SOX5: variants seen among roughly 807,000 people sequenced by gnomAD.
The protein encoded by SOX5 is transcription factor SOX-5.
Under a neutral mutation model 92.0 loss-of-function variants are expected in SOX5, and 9 were observed. The ratio of observed to expected loss-of-function variants is 0.10; its 90% confidence interval spans 0.06 to 0.17. SOX5 has a LOEUF of 0.17. Among genes scored for constraint, SOX5 ranks in the 10% least tolerant of loss-of-function variants. The pLI, the probability that SOX5 is intolerant of heterozygous loss-of-function variation, is 1.00. For synonymous variants in SOX5, 344 were observed against 336.3 expected (o/e 1.02, Z -0.25); for missense variants, 642 against 944.5 (o/e 0.68, Z 4.20).
At chr12:24,250,779 G>A (rs1939880434) in intron 3 of SOX5, among the ~76,000 whole-genome samples, 1 of 152,158 alleles carries the variant, frequency 6.6e-6, no homozygotes, top group Non-Finnish European at 1.5e-5. Context: ...CAGTTCAGAA[G>A]ACAGATGCCA....
chr12:24,375,445 G>C (rs571257613), intron 1 of SOX5, among the ~76,000 whole-genome samples: 1 of 151,860 alleles, frequency 6.6e-6, no homozygotes, highest in Non-Finnish European at 1.5e-5. Context: ...GGTCAGAAGC[G>C]AGAATAAGGC....
chr12:23,585,517 A>G (rs1950600955), intron 9 of SOX5, among the ~76,000 whole-genome samples: 1 of 152,180 alleles, frequency 6.6e-6, no homozygotes, highest in African/African-American at 2.4e-5. Context: ...AAAAAGTCCA[A>G]AAATAAGTAA....
At chr12:24,118,429 C>T (rs560035213) in intron 4 of SOX5, among the ~76,000 whole-genome samples, 274 of 152,066 alleles carry the variant, frequency 1.8e-3, no homozygotes, top group African/African-American at 6.3e-3. Context: ...AATAGAAATG[C>T]AAAATTCTTA....
intron 3 of SOX5, among the ~76,000 whole-genome samples, chr12:24,259,833 C>T (rs1403055249): frequency 6.6e-6 from 1 of 152,006 alleles, no homozygotes; most frequent in Admixed American, 6.6e-5. Flanking sequence ...TAGTGTTCAT[C>T]GTGTATATCT....
Position 23,895,823 on chromosome 12 carries a change from A to G in SOX5, c.240T>C (p.His80=), listed in dbSNP as rs1326839158. The G allele has an allele frequency of 2.5e-6, 4 of 1,613,772 alleles. No individual in the cohort carries two copies. The highest frequency in any genetic ancestry group is 1.3e-5 in the African/African-American group (1 of 74,912). Residue 80 remains histidine (H), a synonymous_variant, in exon 2 of 15, where the codon CAT becomes CAC. Transcript: ENST00000451604. ...VSLLTQETCG[H]RTPTSQHNTM... is the part of the protein sequence containing the mutation. ...TATTGTGCTGAGAAGTGGGAGTCCT[A>G]TGGCCACAAGTCTCTTGCGTCAGCA...
At chr12:24,449,270 T>A (rs1358433750) in intron 1 of SOX5, among the ~76,000 whole-genome samples, 1 of 152,192 alleles carries the variant, frequency 6.6e-6, no homozygotes, top group African/African-American at 2.4e-5. Flanking sequence ...CTCGCTCTTA[T>A]CAACTCTCCA....
At chr12:24,186,660 T>C (rs71450424) in intron 4 of SOX5, among the ~76,000 whole-genome samples, 18,464 of 152,038 alleles carry the variant, frequency 0.12, 1,584 homozygotes, top group East Asian at 0.45. Context: ...TATTTAACTA[T>C]ATAAAAAAAG....
intron 3 of SOX5, among the ~76,000 whole-genome samples, chr12:23,801,490 C>G (rs2095658278): frequency 6.6e-6 from 1 of 152,080 alleles, no homozygotes; most frequent in South Asian, 2.1e-4. Context: ...AGGAAGTGAG[C>G]CCAAATTTCC....
At position 23,792,622 on chromosome 12, in the gene SOX5, C is replaced by CAAAAAAAAA. The variant is rs749845598; in HGVS notation, c.482-36907_482-36899dup. On this transcript the variant is annotated intron_variant, in intron 3 of 14. Transcript: ENST00000451604. ...TGGGCAATAGAGTGAGGCTCTGTCTCAAAAAAAAAAAAAAAAAAAAAAAAA... is the reference window on the plus strand; with the variant it reads ...TGGGCAATAGAGTGAGGCTCTGTCTCAAAAAAAAAAAAAAAAAAAAAAAAAAAAAAAAAA... Among the ~76,000 whole-genome samples the CAAAAAAAAA allele has an allele frequency of 1.8e-3, 71 of 38,960 alleles. 10 individuals carry two copies. Among genetic ancestry groups the CAAAAAAAAA allele is most frequent in the Admixed American group, 4.5e-3 (9 of 1,990 alleles). The allele number at this position is 38,960 out of a possible 152,430, so 25.6% of individuals were successfully genotyped here.
intron 2 of SOX5, among the ~76,000 whole-genome samples, chr12:24,348,049 C>CAAAAAAAAAAAAAAAAAAA (rs1182462748): frequency 1.7e-4 from 12 of 72,726 alleles, no homozygotes; most frequent in East Asian, 7.3e-4. Flanking sequence ...TACAGCTAAT[C>CAAAAAAAAAAAAAAAAAAA]AAAAAAAAAA....
chr12:23,940,745 TAC>T (rs36124621), intron 1 of SOX5, among the ~76,000 whole-genome samples: 10,368 of 139,592 alleles, frequency 0.074, 428 homozygotes, highest in South Asian at 0.18. Flanking sequence ...AGATAAGTAT[TAC>T]ACACACACAC....
chr12:24,173,895 G>T (rs1954487907), intron 4 of SOX5, among the ~76,000 whole-genome samples: 1 of 152,114 alleles, frequency 6.6e-6, no homozygotes, highest in Admixed American at 6.5e-5. Flanking sequence ...TGTTTCCCTG[G>T]GAGCAGCATG....
At chr12:24,485,103 G>A (rs963844539) in intron 1 of SOX5, among the ~76,000 whole-genome samples, 3 of 152,062 alleles carry the variant, frequency 2.0e-5, no homozygotes, top group African/African-American at 7.2e-5. Context: ...GAAAAGTGGA[G>A]ATGGGCTCAA....
chr12:23,666,376 A>T (rs944181777), intron 6 of SOX5, among the ~76,000 whole-genome samples: 19 of 152,184 alleles, frequency 1.2e-4, no homozygotes, highest in African/African-American at 4.3e-4. Flanking sequence ...TAGTTAATAA[A>T]TAATCCAGCA....
intron 3 of SOX5, among the ~76,000 whole-genome samples, chr12:23,838,446 A>G (rs1219165082): frequency 6.6e-6 from 1 of 151,930 alleles, no homozygotes. Flanking sequence ...TATTCAAAGT[A>G]CATGTCAAAG....
chr12:23,815,336 C>T (rs2095967602), intron 3 of SOX5, among the ~76,000 whole-genome samples: 1 of 152,272 alleles, frequency 6.6e-6, no homozygotes, highest in East Asian at 1.9e-4. Flanking sequence ...GCAAGGTAGA[C>T]AAATTACTAT....
At chr12:24,073,221 G>T (rs1383919116) in intron 4 of SOX5, among the ~76,000 whole-genome samples, 1 of 152,170 alleles carries the variant, frequency 6.6e-6, no homozygotes, top group Admixed American at 6.5e-5. Flanking sequence ...GCAAACAACA[G>T]ATGCATTTGG....
At chr12:24,367,269 T>C (rs143172342) in intron 2 of SOX5, among the ~76,000 whole-genome samples, 197 of 152,324 alleles carry the variant, frequency 1.3e-3, no homozygotes, top group African/African-American at 4.4e-3. Flanking sequence ...ATCTTTGGAA[T>C]ATCCATCATT....
intron 1 of SOX5, among the ~76,000 whole-genome samples, chr12:24,559,805 T>TC (rs1480365423): frequency 6.6e-6 from 1 of 152,204 alleles, no homozygotes; most frequent in African/African-American, 2.4e-5. Context: ...TCATTTTTTT[T>TC]CTTTTACCAA....
Sources: allele counts gnomAD v4.1 joint callset (sites outside exome capture counted in the v4.1 genomes callset), GRCh38; gene constraint gnomAD v4.1.1; transcripts MANE v1.5; gene names NCBI Gene and HGNC (gene_info 2026-07-23, HGNC 2026-07-21).